The following INSYN2B variants were observed in gnomAD, a reference collection of about 807,000 sequenced individuals.
INSYN2B encodes protein INSYN2B.
INSYN2B carries 16 observed loss-of-function variants against 41.2 expected under a neutral mutation model. The observed-to-expected ratio is 0.39, with a 90% CI of 0.26 to 0.59. The LOEUF (loss-of-function observed/expected upper bound fraction) is 0.59. INSYN2B is among the 20% of genes least tolerant of loss of function. INSYN2B has a pLI of 0.57. For synonymous variants in INSYN2B, 245 were observed against 244.4 expected (o/e 1.00, Z -0.02); for missense variants, 608 against 646.4 (o/e 0.94, Z 0.64).
At chr5:169,932,345 TA>T (rs2113684915) in intron 1 of INSYN2B, among the ~76,000 whole-genome samples, 1 of 152,180 alleles carries the variant, frequency 6.6e-6, no homozygotes, top group South Asian at 2.1e-4. Flanking sequence ...TGGTTGGAAC[TA>T]TACCCGCTGC....
chr5:169,931,913 TATC>T (rs917295315), intron 1 of INSYN2B, among the ~76,000 whole-genome samples: 9 of 152,162 alleles, frequency 5.9e-5, no homozygotes, highest in South Asian at 4.1e-4. Context: ...TCAGGGAAAA[TATC>T]ATGCATTCAT....
rs77914290 is a variant in INSYN2B at position 169,918,077 on chromosome 5, T to C, written c.-918-33261A>G. Among the ~76,000 whole-genome samples the C allele has an allele frequency of 8.6e-3, 1,311 of 152,288 alleles. 22 individuals are homozygous for C. Among genetic ancestry groups the C allele is most frequent in the African/African-American group, 0.03 (1,259 of 41,562 alleles). On this transcript the variant is annotated intron_variant, in intron 1 of 3. Transcript: ENST00000377365. ...AACTTCTGATATTCTACCCTTCCTATTTTGGGGGAAAAAGTCAAACCTTAG... is the reference window on the plus strand; with the variant it reads ...AACTTCTGATATTCTACCCTTCCTACTTTGGGGGAAAAAGTCAAACCTTAG...
At chr5:169,967,944 C>G (rs996949704) in intron 1 of INSYN2B, among the ~76,000 whole-genome samples, 4 of 152,024 alleles carry the variant, frequency 2.6e-5, no homozygotes, top group Admixed American at 1.3e-4. Context: ...GTGGCTGGTT[C>G]TGAGAAGGAG....
chr5:169,891,247 C>A (rs1215418480), intron 1 of INSYN2B, among the ~76,000 whole-genome samples: 1 of 152,192 alleles, frequency 6.6e-6, no homozygotes, highest in East Asian at 1.9e-4. Flanking sequence ...CACTCCCTGA[C>A]CCCCTCTCCC....
intron 1 of INSYN2B, among the ~76,000 whole-genome samples, chr5:169,940,152 CTG>C (rs1776180259): frequency 6.6e-6 from 1 of 152,248 alleles, no homozygotes; most frequent in Non-Finnish European, 1.5e-5. Context: ...CCACAGTTTT[CTG>C]TGTGTGTATT....
intron 1 of INSYN2B, among the ~76,000 whole-genome samples, chr5:169,939,147 G>A (rs992934013): frequency 4.0e-5 from 6 of 150,798 alleles, no homozygotes; most frequent in Non-Finnish European, 7.4e-5. Context: ...CTCGTGATCC[G>A]CCCACCTCAG....
Position 169,881,352 on chromosome 5 carries a change from G to A in INSYN2B, c.1421+16C>T, listed in dbSNP as rs371966689. On this transcript the variant is annotated intron_variant, in intron 3 of 3. Coordinates refer to ENST00000377365, the MANE Select transcript of INSYN2B (RefSeq NM_001129891.3). Reference sequence around the variant, plus strand: ...CTTTATGGTCTACAGAGCAGGCCTCGCTTGTGGCCAGGTACCTGTATATGA... The same window carrying A: ...CTTTATGGTCTACAGAGCAGGCCTCACTTGTGGCCAGGTACCTGTATATGA... 5.7e-5 allele frequency: 89 copies of A among 1,549,148 alleles called. No individual in the cohort carries two copies. Among genetic ancestry groups the A allele is most frequent in the East Asian group, 9.8e-5 (4 of 40,910 alleles).
intron 3 of INSYN2B, among the ~76,000 whole-genome samples, chr5:169,874,241 C>T (rs939542245): frequency 2.0e-5 from 3 of 151,802 alleles, no homozygotes; most frequent in Non-Finnish European, 2.9e-5. Flanking sequence ...GGTGAAACCC[C>T]GTCTCTACTA....
chr5:169,900,247 T>C (rs1773846746), intron 1 of INSYN2B, among the ~76,000 whole-genome samples: 1 of 152,158 alleles, frequency 6.6e-6, no homozygotes, highest in Non-Finnish European at 1.5e-5. Flanking sequence ...GGCCCTAACC[T>C]GTTGGGACCT....
chr5:169,888,271 A>G (rs761726188), intron 1 of INSYN2B, among the ~76,000 whole-genome samples: 12 of 152,136 alleles, frequency 7.9e-5, no homozygotes, highest in South Asian at 4.1e-4. Flanking sequence ...TGGGCTCCCA[A>G]TTGTCCATTA....
intron 1 of INSYN2B, among the ~76,000 whole-genome samples, chr5:169,906,193 G>A (rs759349952): frequency 6.6e-5 from 10 of 152,166 alleles, no homozygotes; most frequent in Non-Finnish European, 1.5e-4. Flanking sequence ...GCCCGGGGCC[G>A]TGGATAGTCA....
At chr5:169,963,988 G>T (rs1040761126) in intron 1 of INSYN2B, among the ~76,000 whole-genome samples, 1 of 152,124 alleles carries the variant, frequency 6.6e-6, no homozygotes, top group African/African-American at 2.4e-5. Flanking sequence ...CAAGGGGAGG[G>T]AGCAAAAGTC....
chr5:169,960,236 A>G (rs145571932), intron 1 of INSYN2B, among the ~76,000 whole-genome samples: 1,684 of 152,326 alleles, frequency 0.011, 23 homozygotes, highest in Non-Finnish European at 0.02. Flanking sequence ...AAAGCTGTGT[A>G]TGCCTTCCAT....
intron 1 of INSYN2B, among the ~76,000 whole-genome samples, chr5:169,928,393 T>G (rs116028090): frequency 0.01 from 1,583 of 152,364 alleles, 22 homozygotes; most frequent in African/African-American, 0.037. Context: ...TTTGCACTGC[T>G]CTGCCCCAGA....
chr5:169,874,666 C>G (rs149562606), intron 3 of INSYN2B, among the ~76,000 whole-genome samples: 20 of 152,198 alleles, frequency 1.3e-4, no homozygotes, highest in African/African-American at 4.8e-4. Flanking sequence ...AGCGTTTGGT[C>G]CCTTGGCCAG....
chr5:169,974,581 C>T (rs752960026), intron 1 of INSYN2B, among the ~76,000 whole-genome samples: 3 of 152,078 alleles, frequency 2.0e-5, no homozygotes, highest in Non-Finnish European at 2.9e-5. Context: ...GTCATTTTAC[C>T]CTGGATGCAC....
At chr5:169,928,694 A>G (rs551803683) in intron 1 of INSYN2B, among the ~76,000 whole-genome samples, 2 of 152,354 alleles carry the variant, frequency 1.3e-5, no homozygotes, top group South Asian at 4.1e-4. Context: ...AAAGCATTAG[A>G]AAAAAATATG....
At chr5:169,943,778 G>A (rs1487806100) in intron 1 of INSYN2B, among the ~76,000 whole-genome samples, 3 of 152,080 alleles carry the variant, frequency 2.0e-5, no homozygotes, top group East Asian at 1.9e-4. Context: ...AACAGTTGAC[G>A]GTAGGGTCCA....
At chr5:169,874,185 A>T (rs1345602031) in intron 3 of INSYN2B, among the ~76,000 whole-genome samples, 1 of 152,044 alleles carries the variant, frequency 6.6e-6, no homozygotes, top group Non-Finnish European at 1.5e-5. Context: ...GGCCAAGGTC[A>T]GTGGATCACT....
Sources: gnomAD v4.1 joint callset for allele counts (sites outside exome capture counted in the v4.1 genomes callset) on GRCh38, gnomAD v4.1.1 for gene constraint, MANE v1.5 for transcripts, NCBI Gene and HGNC (gene_info 2026-07-23, HGNC 2026-07-21) for gene names.